The following ZNF430 variants were observed in gnomAD, a reference collection of about 807,000 sequenced individuals.
ZNF430 encodes zinc finger protein 430.
In ZNF430, 35 loss-of-function variants were observed where a neutral mutation model predicts 56.7. The observed-to-expected ratio is 0.62, with a 90% CI of 0.47 to 0.82. ZNF430 has a LOEUF of 0.82. Ranked by LOEUF, ZNF430 falls within the 40% of genes least tolerant of loss-of-function variation. The pLI is 0.00. For missense variants in ZNF430, 574 were observed against 661.0 expected, an observed-to-expected ratio of 0.87 and a Z score of 1.44; for synonymous variants, 212 against 224.3, an observed-to-expected ratio of 0.94 and a Z score of 0.49.
rs1967943467 is a variant in ZNF430, at chr19:21,033,711, T to C, written c.223+129T>C. On this transcript the variant is annotated intron_variant, in intron 3 of 4. Transcript: ENST00000261560. The stretch of plus-strand genomic sequence containing the variant: ...CTGATACTTGTTCTTAAGAAAACCT[T>C]GAGGATTTTTCCATATAGGAAAGAA... 10 of 1,161,316 alleles carry C rather than the reference T, an allele frequency of 8.6e-6. No individual in the cohort carries two copies. In the South Asian group the frequency reaches 1.6e-4, roughly 18 times the overall value. The allele number at this position is 1,161,316 out of a possible 1,614,324, so 71.9% of individuals were successfully genotyped here. A position where few individuals can be genotyped will look rare whatever the true frequency, so the allele number is the denominator to read the frequency against.
intron 1 of ZNF430, among the ~76,000 whole-genome samples, chr19:21,022,557 C>G (rs1967712597): frequency 6.6e-6 from 1 of 152,140 alleles, no homozygotes; most frequent in South Asian, 2.1e-4. Flanking sequence ...TAAAAACTCT[C>G]TGTGCTTCTT....
chr19:21,053,725 C>T (rs779580497), intron 4 of ZNF430, among the ~76,000 whole-genome samples: 23 of 152,200 alleles, frequency 1.5e-4, no homozygotes, highest in South Asian at 4.1e-4. Flanking sequence ...CTTTATTGAA[C>T]TCATGTCACT....
At chr19:21,021,925 C>T (rs934998733) in intron 1 of ZNF430, among the ~76,000 whole-genome samples, 9 of 146,388 alleles carry the variant, frequency 6.1e-5, no homozygotes, top group African/African-American at 2.4e-4. Context: ...CAACTTCTGC[C>T]GCTGCCTGTG....
chr19:21,020,687 C>A lies in ZNF430; in HGVS notation c.-114C>A. 6.7e-7 allele frequency: 1 copy of A among 1,484,774 alleles called. No individual in the cohort carries two copies. The highest frequency in any genetic ancestry group is 9.3e-7 in the Non-Finnish European group (1 of 1,069,656). The allele number at this position is 1,484,774 out of a possible 1,614,324, so 92.0% of individuals were successfully genotyped here. A position where few individuals can be genotyped will look rare whatever the true frequency, so the allele number is the denominator to read the frequency against. The stretch of plus-strand genomic sequence containing the variant: ...TCGCTGTGGCCTGAGCTCCAGGTCT[C>A]GTCTTCAGCGCTCTGTGTCCTCTGC... On this transcript the variant is annotated 5_prime_UTR_variant, in exon 1 of 5. Transcript: ENST00000261560.
At chr19:21,048,552 A>G (rs1424116429) in intron 4 of ZNF430, among the ~76,000 whole-genome samples, 1 of 152,150 alleles carries the variant, frequency 6.6e-6, no homozygotes, top group Non-Finnish European at 1.5e-5. Context: ...TTCTTAGTAC[A>G]GAACAAAATG....
intron 2 of ZNF430, chr19:21,025,987 A>G: frequency 2.5e-6 from 1 of 401,174 alleles, no homozygotes; most frequent in Non-Finnish European, 4.7e-6. Flanking sequence ...TTTTTATGAG[A>G]TAGTAATGTG....
chr19:21,027,231 T>G (rs1223508592), intron 2 of ZNF430, among the ~76,000 whole-genome samples: 1 of 152,168 alleles, frequency 6.6e-6, no homozygotes, highest in Non-Finnish European at 1.5e-5. Context: ...TGTGCCAGTT[T>G]TCAAGGAGGA....
intron 4 of ZNF430, among the ~76,000 whole-genome samples, chr19:21,049,168 C>A (rs1218929172): frequency 1.4e-5 from 1 of 69,174 alleles, no homozygotes; most frequent in African/African-American, 4.9e-5. Context: ...AGCAAGACTC[C>A]ATCTCAAAAA....
At chr19:21,030,927 G>A (rs1418091680) in intron 2 of ZNF430, among the ~76,000 whole-genome samples, 1 of 152,102 alleles carries the variant, frequency 6.6e-6, no homozygotes, top group Non-Finnish European at 1.5e-5. Flanking sequence ...CTGTCACCCA[G>A]TCTGGAGTGC....
intron 2 of ZNF430, among the ~76,000 whole-genome samples, chr19:21,027,860 CAG>C (rs568739512): frequency 6.6e-6 from 1 of 152,054 alleles, no homozygotes; most frequent in Non-Finnish European, 1.5e-5. Context: ...CTTATTTGTT[CAG>C]TCTCTGGAAA....
intron 2 of ZNF430, chr19:21,025,912 T>C: frequency 2.4e-6 from 1 of 408,404 alleles, no homozygotes; most frequent in South Asian, 2.2e-5. Flanking sequence ...CAGCCATATC[T>C]TCTTAATACA....
chr19:21,024,150 C>A (rs1327727749), intron 2 of ZNF430, among the ~76,000 whole-genome samples: 1 of 151,992 alleles, frequency 6.6e-6, no homozygotes, highest in African/African-American at 2.4e-5. Flanking sequence ...TTCTGGGGAG[C>A]CTCCCCTGCA....
At chr19:21,038,157 T>C (rs1968036997) in intron 4 of ZNF430, among the ~76,000 whole-genome samples, 3 of 152,184 alleles carry the variant, frequency 2.0e-5, no homozygotes, top group Admixed American at 2.0e-4. Context: ...TCTATTTTTT[T>C]CTAAGAGACT....
chr19:21,020,727 G>T lies in ZNF430; in HGVS notation c.-74G>T. 1 of 1,595,142 alleles carries T rather than the reference G, an allele frequency of 6.3e-7. No homozygotes were observed. The highest frequency in any genetic ancestry group is 1.1e-5 in the South Asian group (1 of 90,666). ...GTGTCCTCTGCTCCTAGAGGTCCAG[G>T]CTCTGTGGCCCTGTGACCCGCAGGT... On this transcript the variant is annotated 5_prime_UTR_variant, in exon 1 of 5. Coordinates refer to ENST00000261560, the MANE Select transcript of ZNF430 (RefSeq NM_025189.4).
intron 4 of ZNF430, among the ~76,000 whole-genome samples, chr19:21,054,737 G>T (rs1327780296): frequency 7.6e-6 from 1 of 131,584 alleles, no homozygotes; most frequent in Non-Finnish European, 1.6e-5. Context: ...GTGCAGTGGC[G>T]CATCTCCGCT....
chr19:21,037,131 T>A (rs931264758), intron 4 of ZNF430, among the ~76,000 whole-genome samples: 3 of 148,644 alleles, frequency 2.0e-5, no homozygotes, highest in African/African-American at 7.4e-5. Flanking sequence ...TTTTTTTTTA[T>A]TTTTGAGACG....
intron 1 of ZNF430, among the ~76,000 whole-genome samples, chr19:21,022,152 T>TA (rs914901025): frequency 6.6e-6 from 1 of 152,096 alleles, no homozygotes; most frequent in African/African-American, 2.4e-5. Flanking sequence ...TAGATCTTTT[T>TA]AAAAGTAGGA....
At chr19:21,049,875 G>T (rs915947108) in intron 4 of ZNF430, among the ~76,000 whole-genome samples, 4 of 150,990 alleles carry the variant, frequency 2.6e-5, no homozygotes, top group Non-Finnish European at 1.5e-5. Flanking sequence ...GAAGTTCTCA[G>T]CTTTCGTTTT....
At position 21,057,985 on chromosome 19, in the gene ZNF430, A is replaced by G. The variant is rs770670466; in HGVS notation, c.1677A>G (p.Gln559=). 6.2e-7 allele frequency: 1 copy of G among 1,612,374 alleles called. No individual in the cohort carries two copies. The highest frequency in any genetic ancestry group is 1.3e-5 in the African/African-American group (1 of 74,784). ...ACCAGTCCTCAAACCTTATTGAACA[A>G]AGTAATTCATACTGGAGAGAAACCC... The part of the protein sequence containing the change: ...AFNQSSNLIE[Q]SNSYWRETLQ... The change falls in exon 5 of 5, where the codon CAA becomes CAG. Residue 559 remains glutamine, a synonymous_variant. Coordinates refer to ENST00000261560, the MANE Select transcript of ZNF430 (RefSeq NM_025189.4).
Sources: allele counts gnomAD v4.1 joint callset (sites outside exome capture counted in the v4.1 genomes callset), GRCh38; gene constraint gnomAD v4.1.1; transcripts MANE v1.5; gene names NCBI Gene and HGNC (gene_info 2026-07-23, HGNC 2026-07-21).